Variants in WDR27 observed in about 807,000 individuals in gnomAD.
The protein encoded by WDR27 is WD repeat domain 27.
A neutral mutation model predicts 114.4 loss-of-function variants in WDR27; 100 were observed. That is an observed-to-expected ratio of 0.87 (90% confidence interval 0.74 to 1.03). The LOEUF (loss-of-function observed/expected upper bound fraction) is 1.03, where lower values mean the gene tolerates loss of function less well. Ranked by LOEUF, WDR27 falls within the 50% of genes least tolerant of loss-of-function variation. The pLI, the probability that WDR27 is intolerant of heterozygous loss-of-function variation, is 0.00. For synonymous variants in WDR27, 449 were observed against 423.1 expected (o/e 1.06, Z -0.75); for missense variants, 1,129 against 1,092.9 (o/e 1.03, Z -0.47).
chr6:169,620,192 T>G (rs1341901400), intron 21 of WDR27, among the ~76,000 whole-genome samples: 1 of 152,152 alleles, frequency 6.6e-6, no homozygotes, highest in Non-Finnish European at 1.5e-5. Context: ...CTTGTCCAGA[T>G]GTCCATCAGG....
chr6:169,551,249 A>C (rs1325011337), intron 25 of WDR27, among the ~76,000 whole-genome samples: 1 of 152,100 alleles, frequency 6.6e-6, no homozygotes, highest in Non-Finnish European at 1.5e-5. Context: ...CCTACAGCTA[A>C]TGAACTGGGA....
intron 14 of WDR27, 61 bp from the exon 15 acceptor site, chr6:169,649,336 A>G: frequency 2.1e-6 from 3 of 1,405,526 alleles, no homozygotes; most frequent in Non-Finnish European, 3.0e-6. Context: ...TTCTTAAGAG[A>G]TTTATATTTT....
chr6:169,664,187 A>T lies in WDR27; in HGVS notation c.883T>A (p.Ser295Thr), dbSNP rs760715743. ...CCACCTGGCTGGCTGCACAGCCCAG[A>T]CTTAACCCTTCTTGTGGAGAAAGTC... ...TETFSTRRVK[S>T]GLCSQPEESQ... Residue 295 changes from serine to threonine, a missense_variant, in exon 8 of 26, where the codon TCT becomes ACT. Coordinates refer to ENST00000448612, the MANE Select transcript of WDR27 (RefSeq NM_182552.5). 13 of 1,606,306 alleles carry T rather than the reference A, an allele frequency of 8.1e-6. No individual in the cohort carries two copies. Among genetic ancestry groups the T allele is most frequent in the Non-Finnish European group, 1.1e-5 (13 of 1,175,950 alleles).
intron 25 of WDR27, among the ~76,000 whole-genome samples, chr6:169,527,745 G>T (rs1795113819): frequency 1.3e-5 from 2 of 152,152 alleles, no homozygotes; most frequent in Non-Finnish European, 2.9e-5. Flanking sequence ...GATGAAAAGG[G>T]ATTAGCTGGG....
intron 25 of WDR27, among the ~76,000 whole-genome samples, chr6:169,462,247 C>A (rs550893658): frequency 4.6e-5 from 7 of 152,198 alleles, no homozygotes; most frequent in African/African-American, 1.7e-4. Flanking sequence ...GAGTTTGAGA[C>A]CAACCTGGCC....
At chr6:169,648,951 T>A (rs368406235) in intron 15 of WDR27, among the ~76,000 whole-genome samples, 3 of 152,228 alleles carry the variant, frequency 2.0e-5, no homozygotes, top group East Asian at 3.9e-4. Context: ...TAAACTAAAT[T>A]TTAACAAAAA....
intron 16 of WDR27, among the ~76,000 whole-genome samples, chr6:169,645,047 AAAAAAAAAAAAG>A (rs1820288175): frequency 7.8e-6 from 1 of 128,072 alleles, no homozygotes; most frequent in Non-Finnish European, 1.6e-5. Context: ...AAAAAAAAAA[AAAAAAAAAAAAG>A]AAAATCCTAG....
At chr6:169,677,728 G>C (rs1780426589) in intron 2 of WDR27, among the ~76,000 whole-genome samples, 1 of 152,254 alleles carries the variant, frequency 6.6e-6, no homozygotes, top group Non-Finnish European at 1.5e-5. Flanking sequence ...CTGAAGTCTA[G>C]GAGGAAAGAA....
At chr6:169,578,000 GTC>G (rs570137322) in intron 24 of WDR27, among the ~76,000 whole-genome samples, 5 of 151,852 alleles carry the variant, frequency 3.3e-5, no homozygotes, top group Non-Finnish European at 7.4e-5. Context: ...AATTCCATCC[GTC>G]TCTCTCTCTC....
chr6:169,664,534 CT>C (rs1475735061), intron 7 of WDR27: 8 of 1,356,210 alleles, frequency 5.9e-6, no homozygotes, highest in African/African-American at 1.5e-5. Flanking sequence ...CAGGATCCTA[CT>C]GTGCAGGCCT....
intron 25 of WDR27, among the ~76,000 whole-genome samples, chr6:169,490,484 C>G (rs1789607492): frequency 6.6e-6 from 1 of 152,206 alleles, no homozygotes; most frequent in Non-Finnish European, 1.5e-5. Context: ...TCCACTGCAG[C>G]TGGCTGCAGA....
chr6:169,621,091 AATAG>A (rs1169571454), intron 21 of WDR27, among the ~76,000 whole-genome samples: 1 of 152,352 alleles, frequency 6.6e-6, no homozygotes, highest in Middle Eastern at 3.4e-3. Flanking sequence ...AGCAGCAGCT[AATAG>A]ATATTTTAAA....
chr6:169,612,189 T>G (rs1810701816), intron 22 of WDR27, among the ~76,000 whole-genome samples: 1 of 150,356 alleles, frequency 6.7e-6, no homozygotes, highest in Non-Finnish European at 1.5e-5. Flanking sequence ...CCCAGCACTT[T>G]GGGAGGCCAA....
chr6:169,661,763 A>G (rs1826178027), intron 9 of WDR27, among the ~76,000 whole-genome samples: 1 of 152,180 alleles, frequency 6.6e-6, no homozygotes, highest in Non-Finnish European at 1.5e-5. Context: ...GCACAGAGAC[A>G]AAGACAAGCA....
At chr6:169,474,973 G>A (rs1786940423) in intron 25 of WDR27, among the ~76,000 whole-genome samples, 1 of 152,114 alleles carries the variant, frequency 6.6e-6, no homozygotes, top group African/African-American at 2.4e-5. Context: ...GTGTAGAGAA[G>A]AGCCCCCAGT....
chr6:169,485,013 C>A (rs113655196), intron 25 of WDR27, among the ~76,000 whole-genome samples: 4,668 of 152,134 alleles, frequency 0.031, 211 homozygotes, highest in African/African-American at 0.1. Context: ...CATATACAAA[C>A]ATAAACTCAA....
chr6:169,454,679 T>C (rs1784280679), downstream of WDR27, among the ~76,000 whole-genome samples: 1 of 152,246 alleles, frequency 6.6e-6, no homozygotes, highest in South Asian at 2.1e-4. Flanking sequence ...TGCTTTGTTG[T>C]CTAAAGAACA....
intron 25 of WDR27, among the ~76,000 whole-genome samples, chr6:169,565,019 C>T (rs1348616189): frequency 6.6e-6 from 1 of 151,954 alleles, no homozygotes; most frequent in East Asian, 2.0e-4. Context: ...TCAGCGAGCA[C>T]TCCCTTCCAC....
intron 2 of WDR27, among the ~76,000 whole-genome samples, chr6:169,682,804 A>C (rs1159242318): frequency 6.6e-6 from 1 of 152,246 alleles, no homozygotes; most frequent in Non-Finnish European, 1.5e-5. Context: ...TAGCTGTTTT[A>C]AGGAATCTCA....
Sources: gnomAD v4.1 joint callset for allele counts (sites outside exome capture counted in the v4.1 genomes callset) on GRCh38, gnomAD v4.1.1 for gene constraint, MANE v1.5 for transcripts, NCBI Gene and HGNC (gene_info 2026-07-23, HGNC 2026-07-21) for gene names.